PARN: variants seen among roughly 807,000 people sequenced by gnomAD.
The protein encoded by PARN is poly(A)-specific ribonuclease, also known as poly(A)-specific ribonuclease PARN.
Under a neutral mutation model 102.8 loss-of-function variants are expected in PARN, and 71 were observed. That is an observed-to-expected ratio of 0.69 (90% CI 0.57 to 0.84). PARN has a LOEUF of 0.84. Ranked by LOEUF, PARN falls within the 40% of genes least tolerant of loss-of-function variation. PARN has a pLI of 0.00. For synonymous variants in PARN, 261 were observed against 252.9 expected (o/e 1.03, Z -0.30); for missense variants, 782 against 760.9 (o/e 1.03, Z -0.33).
At chr16:14,532,466 CAT>C (rs1966394717) in intron 21 of PARN, among the ~76,000 whole-genome samples, 1 of 152,092 alleles carries the variant, frequency 6.6e-6, no homozygotes, top group South Asian at 2.1e-4. Context: ...GGACACAGCA[CAT>C]GTTTCAGAGA....
At chr16:14,517,898 T>C (rs527729103) in intron 21 of PARN, among the ~76,000 whole-genome samples, 293 of 152,130 alleles carry the variant, frequency 1.9e-3, no homozygotes, top group Non-Finnish European at 2.6e-3. Flanking sequence ...CTCAAACTCC[T>C]GGCCTCAAGT....
At chr16:14,446,184 G>A (rs1441437966) in intron 23 of PARN, among the ~76,000 whole-genome samples, 1 of 152,182 alleles carries the variant, frequency 6.6e-6, no homozygotes, top group Non-Finnish European at 1.5e-5. Flanking sequence ...ATGTGTGCAT[G>A]AAGGGCTGAG....
At chr16:14,445,352 G>A (rs1458576886) in intron 23 of PARN, among the ~76,000 whole-genome samples, 1 of 152,074 alleles carries the variant, frequency 6.6e-6, no homozygotes, top group Non-Finnish European at 1.5e-5. Context: ...GTCAGATCGG[G>A]CCACATGCAA....
At chr16:14,493,878 C>T (rs1320005079) in intron 21 of PARN, among the ~76,000 whole-genome samples, 2 of 152,194 alleles carry the variant, frequency 1.3e-5, no homozygotes, top group African/African-American at 2.4e-5. Flanking sequence ...TTCATGGTTT[C>T]AGGCTGAAAA....
chr16:14,584,314 G>C (rs530814954), intron 16 of PARN, 33 bp downstream of exon 16: 4 of 1,390,142 alleles, frequency 2.9e-6, no homozygotes, highest in African/African-American at 1.4e-5. Flanking sequence ...TTATTACAAA[G>C]AGTTTGGAGG....
intron 21 of PARN, among the ~76,000 whole-genome samples, chr16:14,504,223 A>G (rs1964770175): frequency 6.6e-6 from 1 of 152,206 alleles, no homozygotes; most frequent in Non-Finnish European, 1.5e-5. Flanking sequence ...ATAGTAGGAG[A>G]ATAGTTAAAT....
Position 14,584,794 on chromosome 16 carries a change from A to G in PARN, c.963-3T>C. ...CCATCAATTTAGTATCCAAGAGTCT[A>G]AAAAGAATTTTTAACAAGGTAAACA... On this transcript the variant is annotated splice_region_variant and splice_polypyrimidine_tract_variant and intron_variant, in intron 14 of 23. Transcript: ENST00000437198. 6.5e-7 allele frequency: 1 copy of G among 1,537,484 alleles called. No individual in the cohort carries two copies. Among genetic ancestry groups the G allele is most frequent in the Non-Finnish European group, 8.8e-7 (1 of 1,141,262 alleles).
At chr16:14,546,274 T>A (rs1197638220) in intron 21 of PARN, among the ~76,000 whole-genome samples, 1 of 152,218 alleles carries the variant, frequency 6.6e-6, no homozygotes, top group African/African-American at 2.4e-5. Context: ...TTCAGCATAA[T>A]CAAAAGCTGT....
chr16:14,596,763 G>A (rs185314770), intron 12 of PARN, among the ~76,000 whole-genome samples: 1 of 151,310 alleles, frequency 6.6e-6, no homozygotes, highest in Non-Finnish European at 1.5e-5. Flanking sequence ...TAAATAAACA[G>A]GGGAAAAGGA....
chr16:14,487,817 TG>T (rs1401659198), intron 21 of PARN, among the ~76,000 whole-genome samples: 1 of 152,234 alleles, frequency 6.6e-6, no homozygotes, highest in Non-Finnish European at 1.5e-5. Context: ...CTGATTGCAG[TG>T]CTGATTACAT....
intron 21 of PARN, among the ~76,000 whole-genome samples, chr16:14,490,347 T>G (rs1342791056): frequency 6.6e-6 from 1 of 152,292 alleles, no homozygotes; most frequent in East Asian, 1.9e-4. Flanking sequence ...AACCAAAGCC[T>G]ACATTCTTTC....
intron 21 of PARN, among the ~76,000 whole-genome samples, chr16:14,523,258 A>ACAC (rs1965833285): frequency 6.9e-6 from 1 of 144,084 alleles, no homozygotes; most frequent in Non-Finnish European, 1.5e-5. Context: ...CACACACACA[A>ACAC]ACTATACATA....
At position 14,599,888 on chromosome 16, in the gene PARN, A is replaced by G. The variant is rs754710092; in HGVS notation, c.840+16T>C. ...AGTATGTTCTGCAATCTTGCTAAAA[A>G]GTCTGGCTCACTTACCGAATTAGCA... is the stretch of plus-strand genomic sequence containing the variant. On this transcript the variant is annotated intron_variant, in intron 12 of 23. Transcript: ENST00000437198. The G allele has an allele frequency of 2.8e-5, 43 of 1,557,100 alleles. No homozygotes were observed. Among genetic ancestry groups the G allele is most frequent in the Non-Finnish European group, 3.7e-5 (42 of 1,134,238 alleles).
intron 21 of PARN, among the ~76,000 whole-genome samples, chr16:14,507,321 G>A (rs1464349002): frequency 2.0e-5 from 3 of 149,396 alleles, no homozygotes; most frequent in East Asian, 2.0e-4. Flanking sequence ...AGGGAAATTC[G>A]GTCTCAAAAA....
intron 21 of PARN, among the ~76,000 whole-genome samples, chr16:14,489,582 G>A (rs927370193): frequency 6.6e-6 from 1 of 152,004 alleles, no homozygotes; most frequent in Non-Finnish European, 1.5e-5. Context: ...CAATGTCTTC[G>A]GTCACATGGA....
intron 22 of PARN, among the ~76,000 whole-genome samples, chr16:14,480,289 C>G (rs1480456193): frequency 1.3e-5 from 2 of 152,166 alleles, no homozygotes; most frequent in Non-Finnish European, 2.9e-5. Flanking sequence ...GATTGCACCA[C>G]TGTACTCCAG....
At position 14,617,639 on chromosome 16, in the gene PARN, A is replaced by G. The variant is rs1420385804; in HGVS notation, c.339T>C (p.Ile113=). The G allele has an allele frequency of 6.3e-7, 1 of 1,595,746 alleles. No homozygotes were observed. Among genetic ancestry groups the G allele is most frequent in the Admixed American group, 1.7e-5 (1 of 59,986 alleles). Residue 113 remains isoleucine, a synonymous_variant, in exon 6 of 24, where the codon ATT becomes ATC. Transcript: ENST00000437198. ...DVKFVCQSSS[I]DFLASQGFDF... is the part of the protein sequence containing the mutation. ...CAAATCCCTGGCTTGCTAGAAAGTC[A>G]ATGCTGGAGCTCTGAAACAGAGTAA...
At chr16:14,503,903 G>A (rs937403166) in intron 21 of PARN, among the ~76,000 whole-genome samples, 1 of 152,174 alleles carries the variant, frequency 6.6e-6, no homozygotes, top group African/African-American at 2.4e-5. Context: ...TGATGTCAAG[G>A]AAGATACAAA....
intron 21 of PARN, among the ~76,000 whole-genome samples, chr16:14,535,668 G>A (rs1244764579): frequency 3.3e-5 from 5 of 152,330 alleles, no homozygotes; most frequent in African/African-American, 9.6e-5. Context: ...CTACAGTAGA[G>A]TATGATAAGA....
Sources: gnomAD v4.1 joint callset for allele counts (sites outside exome capture counted in the v4.1 genomes callset) on GRCh38, gnomAD v4.1.1 for gene constraint, MANE v1.5 for transcripts, NCBI Gene and HGNC (gene_info 2026-07-23, HGNC 2026-07-21) for gene names.